EEF2: variants seen among roughly 807,000 people sequenced by gnomAD.
The protein encoded by EEF2 is eukaryotic translation elongation factor 2, also known as elongation factor 2.
In EEF2, 21 loss-of-function variants were observed where a neutral mutation model predicts 85.3. The observed-to-expected ratio is 0.25, with a 90% confidence interval of 0.17 to 0.35. The LOEUF (loss-of-function observed/expected upper bound fraction) is 0.35, where lower values mean the gene tolerates loss of function less well. Among genes scored for constraint, EEF2 ranks in the 10% least tolerant of loss-of-function variants. EEF2 has a pLI of 1.00. For synonymous variants in EEF2, 723 were observed against 508.8 expected, an observed-to-expected ratio of 1.42 and a Z score of -5.67; for missense variants, 825 against 1,225.3, an observed-to-expected ratio of 0.67 and a Z score of 4.88.
Position 3,982,822 on chromosome 19 carries a change from G to A in EEF2, c.597C>T (p.Pro199=). 1 of 1,611,448 alleles carries A rather than the reference G, an allele frequency of 6.2e-7. No individual in the cohort carries two copies. Among genetic ancestry groups the A allele is most frequent in the Non-Finnish European group, 8.5e-7 (1 of 1,179,370 alleles). Residue 199 remains proline (P), a synonymous_variant, in exon 4 of 15, where the codon CCC becomes CCT. Coordinates refer to ENST00000309311, the MANE Select transcript of EEF2 (RefSeq NM_001961.4). ...AGGGCCGTACCATGATGTTGCCCAT[G>A]GGGCCGCTCTCGCCCTCGCCGTAGG... ...ISTYGEGESG[P]MGNIMIDPVL...
rs777831656 is a variant in EEF2, at chr19:3,983,107, T to C, written c.400+3A>G. The C allele has an allele frequency of 1.4e-5, 23 of 1,613,324 alleles. No individual in the cohort carries two copies. Among genetic ancestry groups the C allele is most frequent in the Admixed American group, 5.0e-5 (3 of 59,968 alleles). On this transcript the variant is annotated splice_donor_region_variant and intron_variant, in intron 3 of 14. Transcript: ENST00000309311. ...CCGTGCCTCAGGGGGACCCACTGCT[T>C]ACCTGACACGCAGTCCACCACCACC...
intron 5 of EEF2, 21 bp from the exon 6 acceptor site, chr19:3,982,073 C>A (rs1345307594): frequency 6.2e-7 from 1 of 1,613,416 alleles, no homozygotes; most frequent in Non-Finnish European, 8.5e-7. Context: ...GAGGCCAAGC[C>A]AAATCAAGTT....
At chr19:3,981,091 C>G (rs1456956604) in intron 7 of EEF2, 112 bp from the exon 8 acceptor site, 3 of 1,457,450 alleles carry the variant, frequency 2.1e-6, no homozygotes, top group Non-Finnish European at 1.8e-6. Flanking sequence ...CTAACGTTCT[C>G]CAAAGCACAG....
At chr19:3,984,057 C>A in intron 2 of EEF2, 79 bp downstream of exon 2, 1 of 1,510,840 alleles carries the variant, frequency 6.6e-7, no homozygotes, top group South Asian at 1.2e-5. Context: ...AAGTCTCTCC[C>A]CGCGCACCCT....
At chr19:3,979,763 C>A (rs1436337272) in intron 10 of EEF2, 45 bp downstream of exon 10, 1 of 1,589,434 alleles carries the variant, frequency 6.3e-7, no homozygotes, top group Admixed American at 1.7e-5. Flanking sequence ...CACAAGCCGT[C>A]CCCCCTCAGG....
In EEF2 at chr19:3,976,336, A is replaced by G; in HGVS notation, c.*218T>C. The G allele has an allele frequency of 1.9e-6, 1 of 530,808 alleles. No individual in the cohort carries two copies. Among genetic ancestry groups the G allele is most frequent in the Non-Finnish European group, 3.3e-6 (1 of 303,092 alleles). 32.9% of individuals were successfully genotyped at this position (530,808 alleles called of 1,614,324 possible). On this transcript the variant is annotated 3_prime_UTR_variant, in exon 15 of 15. Coordinates refer to ENST00000309311, the MANE Select transcript of EEF2 (RefSeq NM_001961.4). ...CCGACCGGCCCATTAAGTCCCTACT[A>G]AGAGGGCGTGTCTGCTGCCTCCGGA...
chr19:3,983,265 G>A lies in EEF2; in HGVS notation c.245C>T (p.Ser82Leu), dbSNP rs946697377. The change falls in exon 3 of 15, where the codon TCG (serine) becomes TTG (leucine). Residue 82 changes from serine to leucine, a missense_variant. Coordinates refer to ENST00000309311, the MANE Select transcript of EEF2 (RefSeq NM_001961.4). Reference protein sequence around the residue: ...STAISLFYELSENDLNFIKQS... With the variant: ...STAISLFYELLENDLNFIKQS... ...CTTGATGAAGTTCAAGTCATTCTCC[G>A]AGAGCTCGTAGAAGAGGGAGATGGC... is the stretch of plus-strand genomic sequence containing the variant. The A allele has an allele frequency of 1.7e-5, 28 of 1,613,652 alleles. No individual in the cohort carries two copies. The highest frequency in any genetic ancestry group is 2.2e-5 in the East Asian group (1 of 44,848).
intron 4 of EEF2, 29 bp downstream of exon 4, chr19:3,982,778 G>A (rs752674681): frequency 5.0e-6 from 8 of 1,593,888 alleles, no homozygotes; most frequent in East Asian, 2.3e-5. Context: ...GCTGCGGCAA[G>A]CCCACCACCC....
At chr19:3,980,744 A>G in intron 8 of EEF2, 35 bp from the exon 9 acceptor site, 2 of 1,605,460 alleles carry the variant, frequency 1.2e-6, no homozygotes, top group Non-Finnish European at 1.7e-6. Context: ...GCTTTATTCC[A>G]GTGCAGCTCA....
rs1378673938 is a variant in EEF2 at position 3,979,242 on chromosome 19, T to G, written c.1713+87A>C. 5 of 1,036,886 alleles carry G rather than the reference T, an allele frequency of 4.8e-6. No individual in the cohort carries two copies. The South Asian group carries it at 6.9e-5, about 14-fold the overall frequency. 64.2% of individuals were successfully genotyped at this position (1,036,886 alleles called of 1,614,324 possible). A position where few individuals can be genotyped will look rare whatever the true frequency, so the allele number is the denominator to read the frequency against. The stretch of plus-strand genomic sequence containing the variant: ...CCAAGACCGAGATCAAGTCTAGGCG[T>G]CTGCAGAGCCTAGCTCAGCTCAGCT... On this transcript the variant is annotated intron_variant, in intron 11 of 14. Coordinates refer to ENST00000309311, the MANE Select transcript of EEF2 (RefSeq NM_001961.4).
Position 3,984,689 on chromosome 19 carries a change from C to G in EEF2, c.4-339G>C, listed in dbSNP as rs117361837. 8.7e-3 allele frequency: 2,035 copies of G among 234,944 alleles called. 14 individuals are homozygous for G. The highest frequency in any genetic ancestry group is 0.013 in the Non-Finnish European group (1,505 of 118,956). 14.6% of individuals were successfully genotyped at this position (234,944 alleles called of 1,614,324 possible). A position where few individuals can be genotyped will look rare whatever the true frequency, so the allele number is the denominator to read the frequency against. On this transcript the variant is annotated intron_variant, in intron 1 of 14. Coordinates refer to ENST00000309311, the MANE Select transcript of EEF2 (RefSeq NM_001961.4). ...AAGGGATGAATCCTCTCCTAAAGCC[C>G]CCTCCACGTTGTCACCGGGCCACCC...
intron 8 of EEF2, 41 bp downstream of exon 8, chr19:3,980,800 A>G (rs748629109): frequency 6.3e-7 from 1 of 1,584,904 alleles, no homozygotes; most frequent in Non-Finnish European, 8.6e-7. Flanking sequence ...ACAGGAAGTC[A>G]TCCGGCTGCA....
At chr19:3,981,572 A>G in intron 6 of EEF2, 120 bp from the exon 7 acceptor site, 2 of 947,840 alleles carry the variant, frequency 2.1e-6, no homozygotes, top group Middle Eastern at 2.2e-4. Flanking sequence ...GAGCAGGAGC[A>G]GGCCTGGCCT....
Position 3,981,504 on chromosome 19 carries a change from A to T in EEF2, c.898-52T>A, listed in dbSNP as rs369230772. The T allele has an allele frequency of 1.9e-4, 297 of 1,527,324 alleles. 1 individual carries two copies. In the African/African-American group the frequency reaches 3.8e-3, roughly 20 times the overall value. The allele number at this position is 1,527,324 out of a possible 1,614,324, so 94.6% of individuals were successfully genotyped here. A position where few individuals can be genotyped will look rare whatever the true frequency, so the allele number is the denominator to read the frequency against. On this transcript the variant is annotated intron_variant, in intron 6 of 14. Transcript: ENST00000309311. The stretch of plus-strand genomic sequence containing the variant: ...AGCCCATTTGGGAACAGCAGGAGGA[A>T]GCCTGGCACTGCTTCCTGCTTGGAA...
rs576630232 is a variant in EEF2 at position 3,982,746 on chromosome 19, C to A, written c.612+61G>T. ...AGTCCCCCTCAGCTCAACTCCACTC[C>A]CCACCGGCTCCTGCAGATCCCGCTG... On this transcript the variant is annotated intron_variant, in intron 4 of 14. Transcript: ENST00000309311. The A allele has an allele frequency of 6.1e-5, 94 of 1,541,334 alleles. No individual in the cohort carries two copies. The East Asian group carries it at 2.1e-3, about 35-fold the overall frequency.
intron 7 of EEF2, 59 bp from the exon 8 acceptor site, chr19:3,981,038 G>T: frequency 1.3e-6 from 2 of 1,526,238 alleles, no homozygotes; most frequent in South Asian, 2.4e-5. Context: ...GCCCCACCCC[G>T]TACACGCTTC....
At position 3,977,784 on chromosome 19, in the gene EEF2, C is replaced by A; in HGVS notation, c.2067+35G>T. 1 of 1,532,706 alleles carries A rather than the reference C, an allele frequency of 6.5e-7. No homozygotes were observed. 94.9% of individuals were successfully genotyped at this position (1,532,706 alleles called of 1,614,324 possible). A position where few individuals can be genotyped will look rare whatever the true frequency, so the allele number is the denominator to read the frequency against. On this transcript the variant is annotated intron_variant, in intron 12 of 14. Coordinates refer to ENST00000309311, the MANE Select transcript of EEF2 (RefSeq NM_001961.4). This position sits in a 1 kb window ranked among gnomAD's most constrained non-coding sequence, Gnocchi z 5.4. ...ATGAGGTCCCTCTAGAGCCTGGAAACGGGTGTGGTCTGCACATGCTGAGCC... is the reference window on the plus strand; with the variant it reads ...ATGAGGTCCCTCTAGAGCCTGGAAAAGGGTGTGGTCTGCACATGCTGAGCC...
chr19:3,977,695 C>A lies in EEF2; in HGVS notation c.2068-85G>T. ...CCTGCCAAGTCCTGCAGGTCTCCAC[C>A]AGGGGGACCTGGGGCCTTGCCCGCC... On this transcript the variant is annotated intron_variant, in intron 12 of 14. Transcript: ENST00000309311. This position sits in a 1 kb window ranked among gnomAD's most constrained non-coding sequence, Gnocchi z 5.4. The A allele has an allele frequency of 1.4e-6, 2 of 1,475,398 alleles. No individual in the cohort carries two copies. Among genetic ancestry groups the A allele is most frequent in the Non-Finnish European group, 1.8e-6 (2 of 1,116,618 alleles). The allele number at this position is 1,475,398 out of a possible 1,614,324, so 91.4% of individuals were successfully genotyped here. A position where few individuals can be genotyped will look rare whatever the true frequency, so the allele number is the denominator to read the frequency against.
At chr19:3,983,716 T>C in intron 2 of EEF2, 2 of 292,600 alleles carry the variant, frequency 6.8e-6, no homozygotes, top group South Asian at 4.2e-5. Context: ...CAAAAAGCAG[T>C]TGGGGTCACC....
Sources: allele counts gnomAD v4.1 joint callset, GRCh38; gene constraint gnomAD v4.1.1; non-coding constraint Gnocchi (gnomAD v3.1); transcripts MANE v1.5; gene names NCBI Gene and HGNC (gene_info 2026-07-23, HGNC 2026-07-21).